The following OPRM1 variants were observed in gnomAD, a reference collection of about 807,000 sequenced individuals.
OPRM1 encodes mu-type opioid receptor.
OPRM1 carries 27 observed loss-of-function variants against 31.8 expected under a neutral mutation model. The observed-to-expected ratio is 0.85, with a 90% CI of 0.63 to 1.17. The LOEUF is 1.17. Among genes scored for constraint, OPRM1 ranks in the 50% most tolerant of loss-of-function variants. The pLI, the probability that OPRM1 is intolerant of heterozygous loss-of-function variation, is 0.00. For synonymous variants in OPRM1, 196 were observed against 189.9 expected (o/e 1.03, Z -0.26); for missense variants, 536 against 511.1 (o/e 1.05, Z -0.47).
chr6:154,039,378 G>C lies in OPRM1; in HGVS notation c.-167G>C. ...AGGAGAATGTCAGATGCTCAGCTCGGTCCCCTCCGCCTGACGCTCCTCTCT... is the reference window on the plus strand; with the variant it reads ...AGGAGAATGTCAGATGCTCAGCTCGCTCCCCTCCGCCTGACGCTCCTCTCT... On this transcript the variant is annotated 5_prime_UTR_variant, in exon 1 of 4. Coordinates refer to ENST00000330432, the MANE Select transcript of OPRM1 (RefSeq NM_000914.5). The C allele has an allele frequency of 1.3e-6, 2 of 1,545,570 alleles. No individual in the cohort carries two copies. The highest frequency in any genetic ancestry group is 1.7e-6 in the Non-Finnish European group (2 of 1,143,154).
intron 1 of OPRM1, among the ~76,000 whole-genome samples, chr6:154,054,092 G>A (rs1232481588): frequency 2.0e-5 from 3 of 152,056 alleles, no homozygotes; most frequent in Non-Finnish European, 2.9e-5. Context: ...AGCTTACACC[G>A]GTCTCGGTGG....
intron 3 of OPRM1, among the ~76,000 whole-genome samples, chr6:154,104,133 T>A (rs1342279006): frequency 6.6e-6 from 1 of 152,172 alleles, no homozygotes; most frequent in Non-Finnish European, 1.5e-5. Flanking sequence ...GGGGCAATAA[T>A]ATTCCTGCCT....
Position 154,091,399 on chromosome 6 carries a change from A to G in OPRM1, c.1091A>G (p.Asn364Ser). The G allele has an allele frequency of 6.2e-7, 1 of 1,614,016 alleles. No homozygotes were observed. The highest frequency in any genetic ancestry group is 8.5e-7 in the Non-Finnish European group (1 of 1,180,004). ...IPTSSNIEQQ[N>S]STRIRQNTRD... is the part of the protein sequence containing the mutation. ...ACCTCTTCCAACATTGAGCAACAAA[A>G]CTCCACTCGAATTCGTCAGAACACT... Residue 364 changes from asparagine (N) to serine (S), a missense_variant, in exon 3 of 4, where the codon AAC (asparagine) becomes AGC (serine). Coordinates refer to ENST00000330432, the MANE Select transcript of OPRM1 (RefSeq NM_000914.5).
chr6:154,058,378 T>C (rs776371409), intron 1 of OPRM1, among the ~76,000 whole-genome samples: 1 of 152,180 alleles, frequency 6.6e-6, no homozygotes, highest in Admixed American at 6.5e-5. Flanking sequence ...CTAGTTGAAA[T>C]AGATGAAGTT....
intron 3 of OPRM1, among the ~76,000 whole-genome samples, chr6:154,178,300 T>A (rs910223498): frequency 3.9e-5 from 6 of 151,972 alleles, no homozygotes; most frequent in East Asian, 1.9e-4. Context: ...ATAAAAAAAA[T>A]TATATTAAAA....
In OPRM1 at chr6:154,091,159, T is replaced by G. The variant is rs200054841; in HGVS notation, c.851T>G (p.Val284Gly). ...DRNLRRITRM[V>G]LVVVAVFIVC... ...AATCTTCGAAGGATCACCAGGATGG[T>G]GCTGGTGGTGGTGGCTGTGTTCATC... The change falls in exon 3 of 4, where the codon GTG (valine) becomes GGG (glycine). Residue 284 changes from valine (V) to glycine (G), a missense_variant. Physicochemically the swap from Val to Gly is moderately radical, Grantham distance 109. Transcript: ENST00000330432. The G allele has an allele frequency of 6.2e-7, 1 of 1,614,168 alleles. No individual in the cohort carries two copies. Among genetic ancestry groups the G allele is most frequent in the Non-Finnish European group, 8.5e-7 (1 of 1,180,026 alleles).
intron 3 of OPRM1, among the ~76,000 whole-genome samples, chr6:154,215,456 A>C (rs1778317893): frequency 6.6e-6 from 1 of 152,000 alleles, no homozygotes. Context: ...AAAATACAAA[A>C]TTAGCCGGGT....
At chr6:154,246,454 C>CTT in intron 3 of OPRM1, 1 of 1,014,846 alleles carries the variant, frequency 9.9e-7, no homozygotes, top group Non-Finnish European at 1.4e-6. Context: ...CCAGAAATGG[C>CTT]TTCTATAACT....
At chr6:154,209,793 T>A (rs182973072) in intron 3 of OPRM1, among the ~76,000 whole-genome samples, 3 of 152,198 alleles carry the variant, frequency 2.0e-5, no homozygotes, top group Admixed American at 2.0e-4. Context: ...AAATATGTGA[T>A]CAGGAGGAAC....
At chr6:154,054,367 C>CAAAA (rs1194794442) in intron 1 of OPRM1, among the ~76,000 whole-genome samples, 4 of 53,034 alleles carry the variant, frequency 7.5e-5, no homozygotes, top group African/African-American at 1.2e-4. Context: ...GACTCCGTCT[C>CAAAA]AAAAAAAAAA....
At chr6:154,145,078 A>G (rs1193019033) in intron 3 of OPRM1, among the ~76,000 whole-genome samples, 1 of 150,298 alleles carries the variant, frequency 6.7e-6, no homozygotes, top group Non-Finnish European at 1.5e-5. Flanking sequence ...AACACTGGAA[A>G]CAAAGCAAGG....
intron 3 of OPRM1, among the ~76,000 whole-genome samples, chr6:154,202,884 C>T (rs939792514): frequency 3.9e-5 from 6 of 151,946 alleles, no homozygotes; most frequent in South Asian, 2.1e-4. Context: ...AGAAGAAACA[C>T]GAAGACTTGG....
intron 3 of OPRM1, among the ~76,000 whole-genome samples, chr6:154,150,523 A>G (rs1175238426): frequency 2.0e-5 from 3 of 152,208 alleles, no homozygotes; most frequent in Non-Finnish European, 2.9e-5. Flanking sequence ...AAGGCCAGGC[A>G]TTGTCTTATA....
rs757496260 is a variant in OPRM1 at position 154,099,515 on chromosome 6, G to C, written c.1164+8043G>C. 4.7e-5 allele frequency among the ~76,000 whole-genome samples: 7 copies of C among 150,528 alleles called. 1 individual carries two copies. Among genetic ancestry groups the C allele is most frequent in the Non-Finnish European group, 1.0e-4 (7 of 67,734 alleles). The stretch of plus-strand genomic sequence containing the variant: ...GAAAGAAAAAGAAAGAGGAAGGAAA[G>C]AATGAGAGAAAGAGGAAAGAGAGAG... On this transcript the variant is annotated intron_variant, in intron 3 of 3. Transcript: ENST00000330432.
At chr6:154,099,358 A>C in intron 3 of OPRM1, among the ~76,000 whole-genome samples, 2 of 149,200 alleles carry the variant, frequency 1.3e-5, no homozygotes, top group Admixed American at 6.7e-5. Context: ...CGAGAGAGAG[A>C]GAGAGAGAGA....
intron 2 of OPRM1, among the ~76,000 whole-genome samples, chr6:154,090,567 T>C (rs1318172832): frequency 2.0e-5 from 3 of 152,184 alleles, no homozygotes; most frequent in Non-Finnish European, 1.5e-5. Context: ...TATCAGAATA[T>C]TGAACAATCC....
intron 3 of OPRM1, among the ~76,000 whole-genome samples, chr6:154,207,518 C>CA (rs1458531280): frequency 6.6e-6 from 1 of 151,856 alleles, no homozygotes; most frequent in Non-Finnish European, 1.5e-5. Flanking sequence ...TGTGAATTTC[C>CA]AAAATTAATT....
At chr6:154,058,842 A>G (rs949382184) in intron 1 of OPRM1, among the ~76,000 whole-genome samples, 1 of 152,212 alleles carries the variant, frequency 6.6e-6, no homozygotes, top group African/African-American at 2.4e-5. Flanking sequence ...TACACCAACC[A>G]TTAAGGAAAG....
chr6:154,112,050 C>A (rs1796421531), intron 3 of OPRM1, among the ~76,000 whole-genome samples: 1 of 152,178 alleles, frequency 6.6e-6, no homozygotes, highest in African/African-American at 2.4e-5. Flanking sequence ...CAGGCTGGAG[C>A]CACCGCGCCT....
Sources: allele counts gnomAD v4.1 joint callset (sites outside exome capture counted in the v4.1 genomes callset), GRCh38; gene constraint gnomAD v4.1.1; transcripts MANE v1.5; gene names NCBI Gene and HGNC (gene_info 2026-07-23, HGNC 2026-07-21).